Variants in AUTS2 observed in about 807,000 individuals in gnomAD.
The protein encoded by AUTS2 is activator of transcription and developmental regulator AUTS2.
AUTS2 carries 17 observed loss-of-function variants against 112.4 expected under a neutral mutation model. The ratio of observed to expected loss-of-function variants is 0.15; its 90% CI spans 0.10 to 0.23. The LOEUF is 0.23. Among genes scored for constraint, AUTS2 ranks in the 10% least tolerant of loss-of-function variants. The pLI is 1.00. For missense variants in AUTS2, 1,510 were observed against 1,701.6 expected (o/e 0.89, Z 1.98); for synonymous variants, 751 against 702.7 (o/e 1.07, Z -1.09).
At chr7:70,371,424 G>A (rs1298869879) in intron 4 of AUTS2, among the ~76,000 whole-genome samples, 1 of 152,170 alleles carries the variant, frequency 6.6e-6, no homozygotes, top group Non-Finnish European at 1.5e-5. Flanking sequence ...GCTTTTCTGA[G>A]ACACCTGCTA....
intron 5 of AUTS2, among the ~76,000 whole-genome samples, chr7:70,562,273 A>G (rs1801521150): frequency 6.6e-6 from 1 of 152,252 alleles, no homozygotes; most frequent in African/African-American, 2.4e-5. Context: ...GCAAATATAG[A>G]TTAGACCACT....
chr7:70,132,754 A>C (rs761343419), intron 3 of AUTS2, among the ~76,000 whole-genome samples: 2 of 152,178 alleles, frequency 1.3e-5, no homozygotes, highest in African/African-American at 2.4e-5. Context: ...ATACGATAAG[A>C]TGATATGTAT....
At chr7:69,896,791 C>T (rs1056890564) in intron 1 of AUTS2, among the ~76,000 whole-genome samples, 1 of 152,200 alleles carries the variant, frequency 6.6e-6, no homozygotes, top group African/African-American at 2.4e-5. Flanking sequence ...CACATTCTTT[C>T]AAGAGATTAT....
At chr7:70,411,873 T>C (rs1189751462) in intron 4 of AUTS2, among the ~76,000 whole-genome samples, 1 of 151,758 alleles carries the variant, frequency 6.6e-6, no homozygotes, top group Non-Finnish European at 1.5e-5. Context: ...CTGCCAAGGA[T>C]TGTTGATGAA....
intron 2 of AUTS2, among the ~76,000 whole-genome samples, chr7:70,010,695 G>A (rs1209959376): frequency 6.6e-6 from 1 of 152,114 alleles, no homozygotes; most frequent in East Asian, 1.9e-4. Context: ...GAATGAGGTA[G>A]GATCATAATA....
rs572316410 is a variant in AUTS2 at position 69,750,569 on chromosome 7, C to G, written c.310-148717C>G. On this transcript the variant is annotated intron_variant, in intron 1 of 18. Coordinates refer to ENST00000342771, the MANE Select transcript of AUTS2 (RefSeq NM_015570.4). ...GGAGTGCAGTGGTGAGATCATAACT[C>G]ACTGTAGCCTCAAACTCTTGGGCTT... 2.0e-5 allele frequency among the ~76,000 whole-genome samples: 3 copies of G among 151,812 alleles called. No homozygotes were observed. The South Asian group carries it at 6.3e-4, about 32-fold the overall frequency.
chr7:70,163,390 C>A (rs914505110), intron 4 of AUTS2, among the ~76,000 whole-genome samples: 1 of 117,054 alleles, frequency 8.5e-6, no homozygotes, highest in Admixed American at 1.1e-4. Context: ...AGGGAGAGAT[C>A]TTTAGATATC....
intron 2 of AUTS2, among the ~76,000 whole-genome samples, chr7:70,117,409 T>C (rs1261335314): frequency 2.6e-5 from 4 of 152,154 alleles, no homozygotes; most frequent in Non-Finnish European, 5.9e-5. Context: ...CTCTGATTTG[T>C]TTCTTTTTTT....
At chr7:70,020,081 A>G (rs1459800121) in intron 2 of AUTS2, among the ~76,000 whole-genome samples, 3 of 152,226 alleles carry the variant, frequency 2.0e-5, no homozygotes, top group Admixed American at 2.0e-4. Flanking sequence ...ACAAATATTT[A>G]TTGAATGACT....
intron 2 of AUTS2, among the ~76,000 whole-genome samples, chr7:69,910,230 G>A (rs1795298740): frequency 6.6e-6 from 1 of 152,232 alleles, no homozygotes; most frequent in African/African-American, 2.4e-5. Flanking sequence ...TCCTTGGGAT[G>A]TCATCTTGCC....
intron 6 of AUTS2, among the ~76,000 whole-genome samples, chr7:70,758,910 G>GCCTAA (rs3056879): frequency 0.88 from 133,159 of 151,696 alleles, 58,526 homozygotes; most frequent in Middle Eastern, 0.9. Flanking sequence ...AATGCCTGAC[G>GCCTAA]CCTGTGCCTC....
intron 2 of AUTS2, among the ~76,000 whole-genome samples, chr7:69,941,696 G>A (rs1796633328): frequency 6.6e-6 from 1 of 151,744 alleles, no homozygotes; most frequent in Non-Finnish European, 1.5e-5. Flanking sequence ...GCTTGAGAAT[G>A]TGTATTTGCT....
rs559866793 is a variant in AUTS2 at position 70,667,518 on chromosome 7, G to A, written c.691-31051G>A. Among the ~76,000 whole-genome samples, 13 of 152,226 alleles carry A rather than the reference G, an allele frequency of 8.5e-5. No homozygotes were observed. The South Asian group carries it at 2.5e-3, about 29-fold the overall frequency. On this transcript the variant is annotated intron_variant, in intron 5 of 18. Transcript: ENST00000342771. ...CTTAGCCTTTCACTAACAAATACTG[G>A]GAAGAAAATCCAAGTAAGCTTCAGC...
chr7:69,926,144 A>G (rs879304097), intron 2 of AUTS2, among the ~76,000 whole-genome samples: 3 of 152,202 alleles, frequency 2.0e-5, no homozygotes, highest in Admixed American at 2.0e-4. Context: ...TGTAGTTGGT[A>G]GGAATGTTCT....
chr7:70,125,219 T>C (rs1461769562), intron 3 of AUTS2, among the ~76,000 whole-genome samples: 1 of 151,702 alleles, frequency 6.6e-6, no homozygotes, highest in Non-Finnish European at 1.5e-5. Flanking sequence ...ATTACTCATT[T>C]TGGGATACAA....
chr7:70,722,336 T>A (rs1786740122), intron 6 of AUTS2, among the ~76,000 whole-genome samples: 1 of 152,146 alleles, frequency 6.6e-6, no homozygotes. Context: ...AGATTTTTTG[T>A]GGGGGTACTT....
chr7:70,788,662 TAATA>T (rs1791674856), intron 18 of AUTS2, among the ~76,000 whole-genome samples: 1 of 152,184 alleles, frequency 6.6e-6, no homozygotes, highest in African/African-American at 2.4e-5. Context: ...TCAGGAAGCT[TAATA>T]AATAAAATAT....
At chr7:70,075,388 A>G (rs1356714152) in intron 2 of AUTS2, among the ~76,000 whole-genome samples, 3 of 152,040 alleles carry the variant, frequency 2.0e-5, no homozygotes, top group Non-Finnish European at 2.9e-5. Context: ...AGCTTTCTCT[A>G]ATTTCTCTGC....
At chr7:70,633,809 C>G (rs952190410) in intron 5 of AUTS2, among the ~76,000 whole-genome samples, 1 of 152,100 alleles carries the variant, frequency 6.6e-6, no homozygotes, top group African/African-American at 2.4e-5. Flanking sequence ...AAATAATACA[C>G]TTTCCTAAAT....
Sources: allele counts gnomAD v4.1 joint callset (sites outside exome capture counted in the v4.1 genomes callset), GRCh38; gene constraint gnomAD v4.1.1; transcripts MANE v1.5; gene names NCBI Gene and HGNC (gene_info 2026-07-23, HGNC 2026-07-21).